NNT: variants seen among roughly 807,000 people sequenced by gnomAD.
NNT encodes the protein nicotinamide nucleotide transhydrogenase.
Under a neutral mutation model 104.8 loss-of-function variants are expected in NNT, and 50 were observed. That is an observed-to-expected ratio of 0.48 (90% CI 0.38 to 0.60). The LOEUF is 0.60. Among genes scored for constraint, NNT ranks in the 20% least tolerant of loss-of-function variants. The pLI is 0.00. For synonymous variants in NNT, 461 were observed against 490.4 expected (o/e 0.94, Z 0.79); for missense variants, 1,131 against 1,330.7 (o/e 0.85, Z 2.33).
At chr5:43,627,918 A>G (rs1226457826) in intron 6 of NNT, among the ~76,000 whole-genome samples, 1 of 152,194 alleles carries the variant, frequency 6.6e-6, no homozygotes. Context: ...CATAAGGAAC[A>G]TAATTGATTA....
chr5:43,645,502 A>T lies in NNT; in HGVS notation c.1436A>T (p.Tyr479Phe). ...AAGACAATGTCAACGGCTTCTGCAT[A>T]TACAGCAGGTGAGGATACCATTTAC... ...FRKTMSTASA[Y>F]TAGLTGILGL... Residue 479 changes from tyrosine (Y) to phenylalanine (F), a missense_variant, in exon 10 of 22, where the codon TAT (tyrosine) becomes TTT (phenylalanine). Physicochemically the swap from Tyr to Phe is conservative, Grantham distance 22. Transcript: ENST00000344920. 1.3e-6 allele frequency: 2 copies of T among 1,527,718 alleles called. No homozygotes were observed. The highest frequency in any genetic ancestry group is 1.8e-6 in the Non-Finnish European group (2 of 1,136,060). 94.6% of individuals were successfully genotyped at this position (1,527,718 alleles called of 1,614,324 possible). A position where few individuals can be genotyped will look rare whatever the true frequency, so the allele number is the denominator to read the frequency against.
intron 17 of NNT, among the ~76,000 whole-genome samples, chr5:43,673,603 G>A (rs965612011): frequency 2.6e-5 from 4 of 152,200 alleles, no homozygotes; most frequent in African/African-American, 9.7e-5. Context: ...TCAATGAGTT[G>A]AATGTTTGGG....
chr5:43,645,140 A>C (rs924931116), intron 9 of NNT, among the ~76,000 whole-genome samples: 1 of 152,182 alleles, frequency 6.6e-6, no homozygotes, highest in Admixed American at 6.5e-5. Flanking sequence ...TACACATACA[A>C]ATTACATATA....
At position 43,657,236 on chromosome 5, in the gene NNT, C is replaced by T. The variant is rs144313867; in HGVS notation, c.2454+423C>T. Among the ~76,000 whole-genome samples the T allele has an allele frequency of 2.8e-3, 426 of 152,212 alleles. 3 individuals carry two copies. The highest frequency in any genetic ancestry group is 4.8e-3 in the Non-Finnish European group (327 of 68,004). On this transcript the variant is annotated intron_variant, in intron 16 of 21. Transcript: ENST00000344920. ...TCTTACATCATTGGAAGATATGACA[C>T]GAAATCAAATAAGTATAAAATGAAA...
chr5:43,692,648 A>G (rs887538848), intron 19 of NNT, among the ~76,000 whole-genome samples: 3 of 152,050 alleles, frequency 2.0e-5, no homozygotes, highest in African/African-American at 7.2e-5. Flanking sequence ...TACGGTACCA[A>G]TCTTTATTAT....
chr5:43,666,778 T>G, intron 17 of NNT: 1 of 1,302,300 alleles, frequency 7.7e-7, no homozygotes, highest in Non-Finnish European at 1.1e-6. Context: ...CTCTGAAGGC[T>G]TTGTAGGGGC....
intron 6 of NNT, among the ~76,000 whole-genome samples, chr5:43,625,650 G>C (rs1750321866): frequency 6.6e-6 from 1 of 152,126 alleles, no homozygotes; most frequent in South Asian, 2.1e-4. Context: ...TATTTAAATG[G>C]TCTGATTTTT....
intron 2 of NNT, among the ~76,000 whole-genome samples, chr5:43,612,450 G>A (rs1024587901): frequency 6.6e-6 from 1 of 152,188 alleles, no homozygotes; most frequent in African/African-American, 2.4e-5. Flanking sequence ...AAATTGCCTG[G>A]AAGGGAACTT....
chr5:43,652,872 A>G (rs760037656), intron 13 of NNT, 146 bp from the exon 14 acceptor site: 1 of 563,018 alleles, frequency 1.8e-6, no homozygotes, highest in Middle Eastern at 4.9e-4. Flanking sequence ...TCCAGAAAAA[A>G]TCAATTTATA....
At position 43,706,855 on chromosome 5, in the gene NNT, C is replaced by G. The variant is rs1302084744; in HGVS notation, c.*2451C>G. 6.6e-6 allele frequency: 1 copy of G among 152,190 alleles called. No individual in the cohort carries two copies. The highest frequency in any genetic ancestry group is 6.5e-5 in the Admixed American group (1 of 15,278). 9.4% of individuals were successfully genotyped at this position (152,190 alleles called of 1,614,324 possible). On this transcript the variant is annotated 3_prime_UTR_variant, in exon 22 of 22. Coordinates refer to ENST00000344920, the MANE Select transcript of NNT (RefSeq NM_182977.3). ...TAAAGCTGGAAACCATCATTCTGAG[C>G]AAACTATTGCAAGGACAGAAAACCA...
chr5:43,656,059 A>G lies in NNT; in HGVS notation c.2279A>G (p.Tyr760Cys), dbSNP rs760675834. The change falls in exon 15 of 22, where the codon TAT (tyrosine) becomes TGT (cysteine). Residue 760 changes from tyrosine to cysteine, a missense_variant. By Grantham distance (194) the Tyr-to-Cys change is radical. Coordinates refer to ENST00000344920, the MANE Select transcript of NNT (RefSeq NM_182977.3). ...ACCTTTAGTGGGTCTCTCATTGCCT[A>G]TGGAAAATTGCAGGGTAAGTGATTC... is the stretch of plus-strand genomic sequence containing the variant. ...GVTFSGSLIA[Y>C]GKLQGLLKSA... 1.9e-6 allele frequency: 3 copies of G among 1,613,752 alleles called. No individual in the cohort carries two copies. Among genetic ancestry groups the G allele is most frequent in the South Asian group, 1.1e-5 (1 of 91,072 alleles).
intron 19 of NNT, among the ~76,000 whole-genome samples, chr5:43,680,390 C>T (rs1170290138): frequency 6.6e-6 from 1 of 152,096 alleles, no homozygotes; most frequent in African/African-American, 2.4e-5. Flanking sequence ...GTCCTTTCAT[C>T]ACTCTGTGGA....
chr5:43,646,009 G>A (rs1739408050), intron 10 of NNT, among the ~76,000 whole-genome samples: 1 of 151,726 alleles, frequency 6.6e-6, no homozygotes, highest in Non-Finnish European at 1.5e-5. Context: ...CACTGCACCC[G>A]GCCTGCAAGT....
Position 43,619,119 on chromosome 5 carries a change from GGTA to G in NNT, c.687+2_687+4del. 6.6e-7 allele frequency: 1 copy of G among 1,525,834 alleles called. No homozygotes were observed. The highest frequency in any genetic ancestry group is 8.8e-7 in the Non-Finnish European group (1 of 1,132,556). The allele number at this position is 1,525,834 out of a possible 1,614,324, so 94.5% of individuals were successfully genotyped here. ...CTGCTGGAAAAGTTCCTCCAGCTAA[GGTA>G]GGTACAACTTTTAATGTTTCTTTAT... is the stretch of plus-strand genomic sequence containing the variant. On this transcript the variant is annotated splice_donor_variant and splice_donor_region_variant and intron_variant, in intron 5 of 21. Transcript: ENST00000344920. LOFTEE classifies it high-confidence loss of function.
At chr5:43,698,143 A>G (rs918879580) in intron 19 of NNT, among the ~76,000 whole-genome samples, 1 of 151,896 alleles carries the variant, frequency 6.6e-6, no homozygotes, top group Non-Finnish European at 1.5e-5. Context: ...ATCTGGCTTA[A>G]TATGGATGAA....
intron 18 of NNT, among the ~76,000 whole-genome samples, chr5:43,676,977 C>G (rs376352979): frequency 2.0e-5 from 3 of 151,856 alleles, no homozygotes; most frequent in South Asian, 2.1e-4. Context: ...ATTCATTGTG[C>G]AGGTAGAATG....
chr5:43,621,642 C>T (rs1441236055), intron 5 of NNT, among the ~76,000 whole-genome samples: 1 of 151,902 alleles, frequency 6.6e-6, no homozygotes, highest in Non-Finnish European at 1.5e-5. Context: ...TGAGCTCAAA[C>T]AATCTTCCTG....
At chr5:43,685,026 G>T (rs1448779035) in intron 19 of NNT, among the ~76,000 whole-genome samples, 1 of 150,034 alleles carries the variant, frequency 6.7e-6, no homozygotes, top group Non-Finnish European at 1.5e-5. Flanking sequence ...GGAATTTCCA[G>T]CCTGTTTTTG....
Position 43,655,796 on chromosome 5 carries a change from A to G in NNT, c.2060-44A>G, listed in dbSNP as rs376643140. On this transcript the variant is annotated intron_variant, in intron 14 of 21. Transcript: ENST00000344920. Reference sequence around the variant, plus strand: ...GTGATCTTTGTTGTGGTTACTTCTCAAAAGTTTGTCAAGTTTTAATTTATT... The same window carrying G: ...GTGATCTTTGTTGTGGTTACTTCTCGAAAGTTTGTCAAGTTTTAATTTATT... The G allele has an allele frequency of 2.2e-5, 32 of 1,448,434 alleles. No individual in the cohort carries two copies. The African/African-American group carries it at 2.5e-4, about 11-fold the overall frequency. The allele number at this position is 1,448,434 out of a possible 1,614,324, so 89.7% of individuals were successfully genotyped here. A position where few individuals can be genotyped will look rare whatever the true frequency, so the allele number is the denominator to read the frequency against.
Sources: gnomAD v4.1 joint callset for allele counts (sites outside exome capture counted in the v4.1 genomes callset) on GRCh38, gnomAD v4.1.1 for gene constraint, MANE v1.5 for transcripts, NCBI Gene and HGNC (gene_info 2026-07-23, HGNC 2026-07-21) for gene names.